HPSE2: variants seen among roughly 807,000 people sequenced by gnomAD.
HPSE2 encodes the protein heparanase 2 (inactive).
HPSE2 carries 38 observed loss-of-function variants against 60.5 expected under a neutral mutation model. The ratio of observed to expected loss-of-function variants is 0.63; its 90% CI spans 0.48 to 0.82. The LOEUF is 0.82. Ranked by LOEUF, HPSE2 falls within the 40% of genes least tolerant of loss-of-function variation. The probability of loss-of-function intolerance (pLI) is 0.00; values close to 1 mark genes in which losing one functional copy is unlikely to be tolerated. For synonymous variants in HPSE2, 295 were observed against 293.2 expected (o/e 1.01, Z -0.06); for missense variants, 713 against 740.4 (o/e 0.96, Z 0.43).
intron 10 of HPSE2, among the ~76,000 whole-genome samples, chr10:98,488,480 G>C: frequency 6.6e-6 from 1 of 152,166 alleles, no homozygotes; most frequent in East Asian, 1.9e-4. Flanking sequence ...TTCCCATGAG[G>C]ATGTTAAAGA....
chr10:98,856,285 C>T (rs1239541385), intron 3 of HPSE2, among the ~76,000 whole-genome samples: 1 of 152,028 alleles, frequency 6.6e-6, no homozygotes, highest in Non-Finnish European at 1.5e-5. Context: ...ATGTGAGAAC[C>T]ATCAGATAGG....
chr10:99,152,684 A>G (rs1846321315), intron 2 of HPSE2, among the ~76,000 whole-genome samples: 1 of 152,252 alleles, frequency 6.6e-6, no homozygotes, highest in African/African-American at 2.4e-5. Context: ...TGACTGTGCT[A>G]AATTAAGATG....
chr10:99,089,690 G>C (rs537659552), intron 3 of HPSE2, among the ~76,000 whole-genome samples: 2 of 152,060 alleles, frequency 1.3e-5, no homozygotes, highest in Admixed American at 6.6e-5. Context: ...TTATAGGTTT[G>C]TTTTCTCTAG....
intron 3 of HPSE2, among the ~76,000 whole-genome samples, chr10:98,975,953 A>C (rs1362595081): frequency 6.6e-6 from 1 of 152,228 alleles, no homozygotes; most frequent in East Asian, 1.9e-4. Context: ...AATAGAATAG[A>C]ACTAAGGAAA....
chr10:99,184,817 T>TAGAGAG (rs1554912270), intron 2 of HPSE2, among the ~76,000 whole-genome samples: 4 of 17,200 alleles, frequency 2.3e-4, no homozygotes, highest in East Asian at 1.4e-3. Flanking sequence ...TATATATATA[T>TAGAGAG]ATAGAGAGAG....
At chr10:98,865,840 G>C (rs992080335) in intron 3 of HPSE2, among the ~76,000 whole-genome samples, 1 of 152,080 alleles carries the variant, frequency 6.6e-6, no homozygotes, top group Non-Finnish European at 1.5e-5. Context: ...CTCAGTTATG[G>C]AGAATATTAG....
At chr10:99,180,533 C>T (rs563122446) in intron 2 of HPSE2, among the ~76,000 whole-genome samples, 1 of 152,182 alleles carries the variant, frequency 6.6e-6, no homozygotes, top group African/African-American at 2.4e-5. Context: ...TAGAGAAATG[C>T]AAATCAAAAC....
chr10:98,655,120 T>C (rs1947023258), intron 6 of HPSE2, among the ~76,000 whole-genome samples: 1 of 152,120 alleles, frequency 6.6e-6, no homozygotes, highest in South Asian at 2.1e-4. Flanking sequence ...GATCTTCACC[T>C]TTTTTTCCCA....
rs986967088 is a variant in HPSE2 at position 98,934,853 on chromosome 10, C to A, written c.611-190797G>T. ...TGCTAGGTTGGGGAAGTGGAAGTTG[C>A]CCTGGATGATATCCTGAAGGGTGTT... On this transcript the variant is annotated intron_variant, in intron 3 of 11. Transcript: ENST00000370552. 4.2e-4 allele frequency among the ~76,000 whole-genome samples: 60 copies of A among 142,774 alleles called. 14 individuals carry two copies. Among genetic ancestry groups the A allele is most frequent in the African/African-American group, 1.7e-3 (60 of 34,976 alleles). The allele number at this position is 142,774 out of a possible 152,430, so 93.7% of individuals were successfully genotyped here.
chr10:98,978,928 T>C (rs1283177282), intron 3 of HPSE2, among the ~76,000 whole-genome samples: 1 of 152,184 alleles, frequency 6.6e-6, no homozygotes, highest in Non-Finnish European at 1.5e-5. Context: ...GACATGCATG[T>C]TCCCAACTGA....
chr10:98,680,913 G>A (rs948001846), intron 6 of HPSE2, among the ~76,000 whole-genome samples: 22 of 151,760 alleles, frequency 1.4e-4, no homozygotes, highest in African/African-American at 5.3e-4. Context: ...ATGCCACCAC[G>A]CCCAGCTATT....
chr10:99,307,987 C>G, the HPSE2 span, among the ~76,000 whole-genome samples: 1 of 152,064 alleles, frequency 6.6e-6, no homozygotes, highest in African/African-American at 2.4e-5. Context: ...ATCATATGTC[C>G]TAGCAATTCT....
intron 3 of HPSE2, among the ~76,000 whole-genome samples, chr10:98,921,690 T>G (rs1590080748): frequency 6.6e-6 from 1 of 152,190 alleles, no homozygotes. Flanking sequence ...ACATCACTTA[T>G]CAGCAGACCT....
intron 3 of HPSE2, among the ~76,000 whole-genome samples, chr10:99,034,366 T>C (rs1957563535): frequency 6.6e-6 from 1 of 152,058 alleles, no homozygotes; most frequent in Non-Finnish European, 1.5e-5. Flanking sequence ...AGATAAACTA[T>C]CAACAGGTAC....
intron 6 of HPSE2, among the ~76,000 whole-genome samples, chr10:98,645,203 A>G (rs1455887559): frequency 3.3e-5 from 5 of 152,232 alleles, no homozygotes; most frequent in African/African-American, 9.6e-5. Flanking sequence ...GATGAAAGAT[A>G]CTGTCTGACA....
intron 2 of HPSE2, among the ~76,000 whole-genome samples, chr10:99,231,102 C>T (rs1053363591): frequency 2.6e-5 from 4 of 152,188 alleles, no homozygotes; most frequent in African/African-American, 9.7e-5. Context: ...CCTAGTCATG[C>T]TCCAAACTCA....
intron 3 of HPSE2, among the ~76,000 whole-genome samples, chr10:98,860,292 T>G (rs1952424927): frequency 1.3e-5 from 2 of 152,208 alleles, no homozygotes; most frequent in African/African-American, 4.8e-5. Flanking sequence ...TTAATAGAAT[T>G]CCAAAGTCTA....
chr10:99,015,475 A>G (rs1456805226), intron 3 of HPSE2, among the ~76,000 whole-genome samples: 2 of 152,250 alleles, frequency 1.3e-5, no homozygotes, highest in Admixed American at 6.5e-5. Flanking sequence ...ACACCATGGA[A>G]TACTATGCAG....
At position 98,902,172 on chromosome 10, in the gene HPSE2, G is replaced by A. The variant is rs570898107; in HGVS notation, c.611-158116C>T. On this transcript the variant is annotated intron_variant, in intron 3 of 11. Transcript: ENST00000370552. ...TTGAGGCAAACAATAAAGGAAAAAGGATTAGAAGAGATTTAGAATAAAGTA... is the reference window on the plus strand; with the variant it reads ...TTGAGGCAAACAATAAAGGAAAAAGAATTAGAAGAGATTTAGAATAAAGTA... Among the ~76,000 whole-genome samples, 4 of 152,266 alleles carry A rather than the reference G, an allele frequency of 2.6e-5. No homozygotes were observed. The South Asian group carries it at 8.3e-4, about 32-fold the overall frequency.
Sources: allele counts gnomAD v4.1 joint callset (sites outside exome capture counted in the v4.1 genomes callset), GRCh38; gene constraint gnomAD v4.1.1; transcripts MANE v1.5; gene names NCBI Gene and HGNC (gene_info 2026-07-23, HGNC 2026-07-21).